DAB1: variants seen among roughly 807,000 people sequenced by gnomAD.
The protein encoded by DAB1 is disabled homolog 1.
A neutral mutation model predicts 64.6 loss-of-function variants in DAB1; 15 were observed. The observed-to-expected ratio is 0.23, with a 90% CI of 0.16 to 0.36. The LOEUF (loss-of-function observed/expected upper bound fraction) is 0.36. Among genes scored for constraint, DAB1 ranks in the 10% least tolerant of loss-of-function variants. The probability of loss-of-function intolerance (pLI) is 1.00; values close to 1 mark genes in which losing one functional copy is unlikely to be tolerated. For synonymous variants in DAB1, 235 were observed against 251.9 expected (o/e 0.93, Z 0.64); for missense variants, 596 against 706.7 (o/e 0.84, Z 1.78).
rs1570074237 is a variant in DAB1 at position 57,957,110 on chromosome 1, T to TAC, written n.388-72950_388-72949dup. On this transcript the variant is annotated intron_variant and non_coding_transcript_variant, in intron 5 of 20. Transcript: ENST00000485760. ...GAAAGGAGGAGCATGTGATTTGACT[T>TAC]ACATTTTAATAGGCTTGTTCAGGAA... is the stretch of plus-strand genomic sequence containing the variant. 2.0e-5 allele frequency among the ~76,000 whole-genome samples: 3 copies of TAC among 152,324 alleles called. No homozygotes were observed. The East Asian group carries it at 5.8e-4, about 29-fold the overall frequency.
At chr1:57,425,452 G>T (rs1478079053), upstream of DAB1, among the ~76,000 whole-genome samples, 1 of 151,966 alleles carries the variant, frequency 6.6e-6, no homozygotes, top group Non-Finnish European at 1.5e-5. Context: ...AAAATATTTA[G>T]CCTAATGCAC....
chr1:57,267,819 A>G (rs1451289745), intron 2 of DAB1, among the ~76,000 whole-genome samples: 1 of 152,206 alleles, frequency 6.6e-6, no homozygotes, highest in Non-Finnish European at 1.5e-5. Flanking sequence ...AACAAGAACC[A>G]AACCCCAACT....
chr1:57,247,503 T>A (rs909127390), intron 2 of DAB1, among the ~76,000 whole-genome samples: 1 of 152,216 alleles, frequency 6.6e-6, no homozygotes, highest in African/African-American at 2.4e-5. Flanking sequence ...CCCACTCTCA[T>A]TTAGTTCTTT....
At chr1:57,444,788 G>C (rs1289160435) in intron 7 of DAB1, among the ~76,000 whole-genome samples, 1 of 152,198 alleles carries the variant, frequency 6.6e-6, no homozygotes, top group Non-Finnish European at 1.5e-5. Flanking sequence ...TTCAGAAGGA[G>C]CATAGGGATG....
intron 4 of DAB1, among the ~76,000 whole-genome samples, chr1:58,300,464 T>G (rs1385897521): frequency 1.3e-5 from 2 of 150,620 alleles, no homozygotes; most frequent in Non-Finnish European, 3.0e-5. Context: ...GGAGAATCGC[T>G]TGAACCTGGG....
At chr1:58,243,241 GA>G (rs200196870) in intron 4 of DAB1, among the ~76,000 whole-genome samples, 12 of 146,466 alleles carry the variant, frequency 8.2e-5, no homozygotes, top group East Asian at 2.0e-4. Context: ...TCCAAAAAAA[GA>G]AAAAAAAAGG....
chr1:57,153,128 C>T (rs1251200515), intron 2 of DAB1, among the ~76,000 whole-genome samples: 2 of 152,106 alleles, frequency 1.3e-5, no homozygotes, highest in Admixed American at 6.5e-5. Context: ...CGGGTTCGAG[C>T]GATTCTCGTG....
intron 7 of DAB1, among the ~76,000 whole-genome samples, chr1:57,592,576 AT>A (rs200432160): frequency 0.017 from 2,557 of 148,308 alleles, 79 homozygotes; most frequent in African/African-American, 0.054. Context: ...GTCAAACTAG[AT>A]TTTTTTTTTT....
At chr1:58,254,528 T>G (rs1448593652) in intron 4 of DAB1, among the ~76,000 whole-genome samples, 17 of 111,778 alleles carry the variant, frequency 1.5e-4, no homozygotes, top group Admixed American at 1.3e-3. Context: ...TATCTCCCAA[T>G]GCTATCCCTC....
At chr1:57,399,797 G>C (rs1570450418) in intron 1 of DAB1, among the ~76,000 whole-genome samples, 2 of 152,126 alleles carry the variant, frequency 1.3e-5, no homozygotes, top group Non-Finnish European at 2.9e-5. Flanking sequence ...ATTCAAGAGA[G>C]AAAAATCATA....
chr1:57,695,361 GAAGAAAGA>G (rs774722340), intron 6 of DAB1, among the ~76,000 whole-genome samples: 2,404 of 68,506 alleles, frequency 0.035, 137 homozygotes, highest in African/African-American at 0.062. Flanking sequence ...AGAAAAGAAA[GAAGAAAGA>G]AAGAAAGAAA....
chr1:57,907,423 G>A (rs1016844682), intron 5 of DAB1, among the ~76,000 whole-genome samples: 1 of 152,220 alleles, frequency 6.6e-6, no homozygotes, highest in Non-Finnish European at 1.5e-5. Flanking sequence ...AGGTCTGTAT[G>A]AAATTACACT....
chr1:58,473,808 C>T, intron 3 of DAB1: 1 of 565,404 alleles, frequency 1.8e-6, no homozygotes, highest in South Asian at 1.5e-5. Context: ...CAGAGAAAGT[C>T]TGAGCACCGC....
At chr1:57,554,782 T>C (rs1315102701) in intron 7 of DAB1, among the ~76,000 whole-genome samples, 1 of 152,198 alleles carries the variant, frequency 6.6e-6, no homozygotes, top group Non-Finnish European at 1.5e-5. Context: ...CTACAAATAT[T>C]TTGAGTGTTC....
chr1:58,148,472 T>G (rs1276982551), intron 5 of DAB1, among the ~76,000 whole-genome samples: 2 of 152,220 alleles, frequency 1.3e-5, no homozygotes, highest in Non-Finnish European at 2.9e-5. Context: ...GTGAACTACT[T>G]CTTTCTCCCT....
At chr1:58,536,870 T>C (rs1469819839) in intron 1 of DAB1, 1 of 597,912 alleles carries the variant, frequency 1.7e-6, no homozygotes, top group African/African-American at 1.9e-5. Context: ...GCTGAATACA[T>C]CGCTTTTCCA....
chr1:57,807,789 A>G (rs1019435368), intron 6 of DAB1, among the ~76,000 whole-genome samples: 1 of 151,824 alleles, frequency 6.6e-6, no homozygotes, highest in Non-Finnish European at 1.5e-5. Flanking sequence ...AGCAAAACCA[A>G]CCCTCTTTTT....
intron 1 of DAB1, among the ~76,000 whole-genome samples, chr1:57,292,914 G>A (rs1363303720): frequency 6.6e-6 from 1 of 152,078 alleles, no homozygotes. Flanking sequence ...TTGCTTGGAA[G>A]GGTTAATAAA....
At chr1:58,135,082 A>T (rs1653865946) in intron 5 of DAB1, among the ~76,000 whole-genome samples, 1 of 152,134 alleles carries the variant, frequency 6.6e-6, no homozygotes, top group Non-Finnish European at 1.5e-5. Context: ...TCTAAGTCTC[A>T]TTTTTTGTTG....
Sources: allele counts gnomAD v4.1 joint callset (sites outside exome capture counted in the v4.1 genomes callset), GRCh38; gene constraint gnomAD v4.1.1; transcripts MANE v1.5; gene names NCBI Gene and HGNC (gene_info 2026-07-23, HGNC 2026-07-21).